Variants in CALN1 observed in about 807,000 individuals in gnomAD.
CALN1 encodes the protein calcium-binding protein 8.
In CALN1, 17 loss-of-function variants were observed where a neutral mutation model predicts 30.6. The observed-to-expected ratio is 0.56, with a 90% CI of 0.38 to 0.83. The LOEUF (loss-of-function observed/expected upper bound fraction) is 0.83. CALN1 is among the 40% of genes least tolerant of loss of function. The pLI is 0.00. For missense variants in CALN1, 291 were observed against 354.9 expected (o/e 0.82, Z 1.45); for synonymous variants, 156 against 131.4 (o/e 1.19, Z -1.28).
intron 3 of CALN1, among the ~76,000 whole-genome samples, chr7:72,145,236 A>C (rs1317653968): frequency 6.6e-6 from 1 of 152,210 alleles, no homozygotes; most frequent in Non-Finnish European, 1.5e-5. Flanking sequence ...AGACTAATAA[A>C]GAAGCAAAGA....
intron 5 of CALN1, among the ~76,000 whole-genome samples, chr7:71,829,252 G>C (rs191961311): frequency 6.6e-6 from 1 of 152,114 alleles, no homozygotes. Flanking sequence ...GGGGGAGAGA[G>C]AGATTTCACT....
intron 2 of CALN1, among the ~76,000 whole-genome samples, chr7:72,319,123 G>A (rs930512612): frequency 2.6e-5 from 4 of 152,126 alleles, no homozygotes; most frequent in African/African-American, 7.2e-5. Context: ...CAAAGATAAA[G>A]AATCAACTTA....
intron 2 of CALN1, among the ~76,000 whole-genome samples, chr7:72,368,808 CCTTT>C (rs1347975016): frequency 3.9e-4 from 56 of 145,306 alleles, no homozygotes; most frequent in African/African-American, 1.2e-3. Flanking sequence ...GGTTTGAAAC[CCTTT>C]TTTTTTTTTT....
At chr7:71,954,226 G>A (rs1261411756) in intron 5 of CALN1, among the ~76,000 whole-genome samples, 2 of 152,116 alleles carry the variant, frequency 1.3e-5, no homozygotes, top group Admixed American at 6.5e-5. Context: ...TTGGGAGGCC[G>A]AGGGGCTGAT....
At chr7:72,194,407 G>A (rs1252061559) in intron 3 of CALN1, among the ~76,000 whole-genome samples, 3 of 152,042 alleles carry the variant, frequency 2.0e-5, no homozygotes, top group Non-Finnish European at 4.4e-5. Context: ...GTACATGCGT[G>A]TAATCCCAGC....
At chr7:72,276,836 G>A (rs1451437584) in intron 3 of CALN1, among the ~76,000 whole-genome samples, 1 of 152,012 alleles carries the variant, frequency 6.6e-6, no homozygotes. Context: ...TTACCCAGAA[G>A]GTACTATGTT....
chr7:72,076,611 CAA>C (rs572245834), intron 4 of CALN1, among the ~76,000 whole-genome samples: 1 of 6,126 alleles, frequency 1.6e-4, no homozygotes, highest in Non-Finnish European at 3.2e-4. Flanking sequence ...AAAAAAAAAG[CAA>C]AAAAAAAAAA....
At chr7:72,451,510 C>T (rs182100879), upstream of CALN1, among the ~76,000 whole-genome samples, 114 of 152,106 alleles carry the variant, frequency 7.5e-4, 2 homozygotes, top group East Asian at 0.02. Context: ...TCCTGGGGCC[C>T]CTAGGGTCCT....
At chr7:72,438,123 G>A (rs574355047) in intron 1 of CALN1, among the ~76,000 whole-genome samples, 5 of 151,774 alleles carry the variant, frequency 3.3e-5, no homozygotes, top group South Asian at 4.2e-4. Flanking sequence ...ATAGGCATGC[G>A]CCACCACACC....
chr7:72,399,935 G>T (rs1482450869), intron 2 of CALN1, among the ~76,000 whole-genome samples: 2 of 152,070 alleles, frequency 1.3e-5, no homozygotes, highest in Non-Finnish European at 2.9e-5. Flanking sequence ...AAAGAGCCTG[G>T]CATCTCTCTT....
At chr7:72,410,679 A>G (rs1807062376) in intron 1 of CALN1, among the ~76,000 whole-genome samples, 1 of 152,228 alleles carries the variant, frequency 6.6e-6, no homozygotes, top group African/African-American at 2.4e-5. Flanking sequence ...TCAAAATGAA[A>G]ACCAAGACCC....
the CALN1 span, among the ~76,000 whole-genome samples, chr7:72,493,191 G>A: frequency 6.6e-6 from 1 of 151,922 alleles, no homozygotes; most frequent in Non-Finnish European, 1.5e-5. Flanking sequence ...CCATCTCTAG[G>A]CAGCCACTAA....
intron 4 of CALN1, among the ~76,000 whole-genome samples, chr7:72,064,696 C>T (rs966516217): frequency 1.3e-5 from 2 of 152,132 alleles, no homozygotes; most frequent in African/African-American, 4.8e-5. Flanking sequence ...CCTAGCCTTC[C>T]AGATTTCTGA....
chr7:71,788,897 A>G (rs373466302), intron 6 of CALN1, among the ~76,000 whole-genome samples: 77 of 151,570 alleles, frequency 5.1e-4, no homozygotes, highest in African/African-American at 1.8e-3. Context: ...TGACCTTGTG[A>G]TCTACCCGCC....
chr7:71,918,986 G>C (rs866140862), intron 5 of CALN1, among the ~76,000 whole-genome samples: 1 of 152,140 alleles, frequency 6.6e-6, no homozygotes, highest in Non-Finnish European at 1.5e-5. Context: ...TGGAGAGCAA[G>C]GAGCATGTAT....
chr7:72,012,982 G>C (rs1800171331), intron 5 of CALN1, among the ~76,000 whole-genome samples: 1 of 152,036 alleles, frequency 6.6e-6, no homozygotes, highest in African/African-American at 2.4e-5. Flanking sequence ...ATTTTTAGTA[G>C]AGACAGGGTT....
At chr7:71,904,577 T>C (rs1794029870) in intron 5 of CALN1, among the ~76,000 whole-genome samples, 1 of 152,072 alleles carries the variant, frequency 6.6e-6, no homozygotes, top group Non-Finnish European at 1.5e-5. Flanking sequence ...GAGATACTGG[T>C]GAAAGAACAC....
chr7:72,429,820 T>C (rs923681253), intron 1 of CALN1, among the ~76,000 whole-genome samples: 1 of 150,812 alleles, frequency 6.6e-6, no homozygotes, highest in Non-Finnish European at 1.5e-5. Flanking sequence ...TGTATGTGTG[T>C]GTCTATATAT....
intron 3 of CALN1, among the ~76,000 whole-genome samples, chr7:72,115,250 T>C (rs1451128426): frequency 1.4e-5 from 2 of 145,948 alleles, no homozygotes; most frequent in South Asian, 2.2e-4. Context: ...TGTATAATAA[T>C]AACATGGGCC....
Sources: allele counts gnomAD v4.1 joint callset (sites outside exome capture counted in the v4.1 genomes callset), GRCh38; gene constraint gnomAD v4.1.1; transcripts MANE v1.5; gene names NCBI Gene and HGNC (gene_info 2026-07-23, HGNC 2026-07-21).